ZRANB3: variants seen among roughly 807,000 people sequenced by gnomAD.
ZRANB3 encodes the protein zinc finger RANBP2-type containing 3.
ZRANB3 carries 125 observed loss-of-function variants against 133.8 expected under a neutral mutation model. The observed-to-expected ratio is 0.93, with a 90% CI of 0.81 to 1.08. The LOEUF (loss-of-function observed/expected upper bound fraction) is 1.08, where lower values mean the gene tolerates loss of function less well. Among genes scored for constraint, ZRANB3 ranks in the 50% least tolerant of loss-of-function variants. The probability of loss-of-function intolerance (pLI) is 0.00; values close to 1 mark genes in which losing one functional copy is unlikely to be tolerated. For missense variants in ZRANB3, 1,229 were observed against 1,275.5 expected, an observed-to-expected ratio of 0.96 and a Z score of 0.56; for synonymous variants, 387 against 432.7, an observed-to-expected ratio of 0.89 and a Z score of 1.31.
chr2:135,350,099 G>T lies in ZRANB3; in HGVS notation c.476C>A (p.Ser159Ter). ...QNFKVVIVDE[S>*]HYMKSRNATR... ...TGCATTTCTGGATTTCATGTAGTGTGATTCATCCACTATAACTACTTTGAA... is the reference window on the plus strand; with the variant it reads ...TGCATTTCTGGATTTCATGTAGTGTTATTCATCCACTATAACTACTTTGAA... The change falls in exon 5 of 21, where the codon TCA (serine) becomes TAA (stop). Residue 159 changes from serine to a stop codon, truncating the protein, a stop_gained. Coordinates refer to ENST00000264159, the MANE Select transcript of ZRANB3 (RefSeq NM_032143.4). LOFTEE classifies it high-confidence loss of function. The T allele has an allele frequency of 6.2e-7, 1 of 1,613,582 alleles. No homozygotes were observed. The highest frequency in any genetic ancestry group is 1.1e-5 in the South Asian group (1 of 91,072).
chr2:135,444,429 G>C (rs1055143308), intron 2 of ZRANB3, among the ~76,000 whole-genome samples: 1 of 151,832 alleles, frequency 6.6e-6, no homozygotes, highest in Non-Finnish European at 1.5e-5. Flanking sequence ...CAAAATACTC[G>C]GCAATAAGAA....
At chr2:135,285,212 C>T (rs1681297338) in intron 8 of ZRANB3, among the ~76,000 whole-genome samples, 1 of 152,190 alleles carries the variant, frequency 6.6e-6, no homozygotes, top group Admixed American at 6.5e-5. Context: ...CCATTCTTGC[C>T]ACCTCAAAAA....
intron 2 of ZRANB3, among the ~76,000 whole-genome samples, chr2:135,489,315 G>A (rs1288104176): frequency 1.8e-5 from 2 of 108,966 alleles, no homozygotes; most frequent in Non-Finnish European, 3.6e-5. Flanking sequence ...TTGTGGGGTG[G>A]GGGGAGGGGG....
intron 8 of ZRANB3, among the ~76,000 whole-genome samples, chr2:135,285,226 T>A (rs1167358606): frequency 6.6e-6 from 1 of 152,168 alleles, no homozygotes; most frequent in Admixed American, 6.5e-5. Flanking sequence ...TCAAAAACCT[T>A]ACAACACTCA....
chr2:135,427,116 T>C (rs1177240945), intron 2 of ZRANB3, among the ~76,000 whole-genome samples: 1 of 151,444 alleles, frequency 6.6e-6, no homozygotes, highest in Non-Finnish European at 1.5e-5. Flanking sequence ...TCATACTGAA[T>C]AGGCAAAAGC....
At chr2:135,343,031 A>C (rs1019784196) in intron 6 of ZRANB3, among the ~76,000 whole-genome samples, 2 of 146,364 alleles carry the variant, frequency 1.4e-5, no homozygotes, top group Admixed American at 6.7e-5. Flanking sequence ...AAAAAAAAAA[A>C]AAAACATTAG....
At chr2:135,239,417 C>A (rs116130851) in intron 12 of ZRANB3, among the ~76,000 whole-genome samples, 51 of 146,734 alleles carry the variant, frequency 3.5e-4, no homozygotes, top group South Asian at 8.7e-4. Context: ...TATAAAAAAT[C>A]AAAAAAAAAA....
intron 6 of ZRANB3, among the ~76,000 whole-genome samples, chr2:135,319,437 T>C (rs1291755701): frequency 6.6e-6 from 1 of 152,236 alleles, no homozygotes; most frequent in Non-Finnish European, 1.5e-5. Flanking sequence ...TGATCGAATT[T>C]TGTTGTTTAT....
chr2:135,492,530 T>C (rs1395304467), intron 2 of ZRANB3, among the ~76,000 whole-genome samples: 2 of 152,218 alleles, frequency 1.3e-5, no homozygotes, highest in Non-Finnish European at 2.9e-5. Flanking sequence ...AGTACTATGG[T>C]GTTTTAGATA....
At chr2:135,520,412 T>TC (rs1491565810) in intron 1 of ZRANB3, among the ~76,000 whole-genome samples, 2 of 140,284 alleles carry the variant, frequency 1.4e-5, no homozygotes, top group Non-Finnish European at 3.0e-5. Context: ...AAAAAGGATT[T>TC]CTTTTTTTTT....
chr2:135,436,760 CTA>C (rs1208343898), intron 2 of ZRANB3, among the ~76,000 whole-genome samples: 1 of 151,934 alleles, frequency 6.6e-6, no homozygotes, highest in African/African-American at 2.4e-5. Flanking sequence ...TTTAAAAAAA[CTA>C]TTTTAAAATT....
chr2:135,455,487 C>T (rs981467676), intron 2 of ZRANB3, among the ~76,000 whole-genome samples: 5 of 151,242 alleles, frequency 3.3e-5, no homozygotes, highest in Non-Finnish European at 5.9e-5. Flanking sequence ...CATGGCCGGC[C>T]GACTTCTTAC....
chr2:135,381,273 C>T (rs547318146), intron 3 of ZRANB3, among the ~76,000 whole-genome samples: 3 of 152,166 alleles, frequency 2.0e-5, no homozygotes, highest in East Asian at 1.9e-4. Context: ...AGTCTGAGAT[C>T]GAACTGTAAC....
intron 2 of ZRANB3, among the ~76,000 whole-genome samples, chr2:135,470,960 C>A (rs1431147189): frequency 6.6e-6 from 1 of 151,520 alleles, no homozygotes; most frequent in Non-Finnish European, 1.5e-5. Context: ...CGCCACCACG[C>A]CCAGCTAATT....
intron 6 of ZRANB3, among the ~76,000 whole-genome samples, chr2:135,327,710 A>G (rs987597792): frequency 6.6e-6 from 1 of 152,130 alleles, no homozygotes; most frequent in Non-Finnish European, 1.5e-5. Context: ...ATACAGCTTA[A>G]CCTTTCCAAA....
At chr2:135,240,326 G>A (rs1695498152) in intron 12 of ZRANB3, among the ~76,000 whole-genome samples, 1 of 152,074 alleles carries the variant, frequency 6.6e-6, no homozygotes, top group Non-Finnish European at 1.5e-5. Context: ...AAACAAAATG[G>A]TAACAAAGAA....
intron 1 of ZRANB3, among the ~76,000 whole-genome samples, chr2:135,521,534 AAAAT>A (rs148536168): frequency 6.6e-6 from 1 of 152,168 alleles, no homozygotes; most frequent in Non-Finnish European, 1.5e-5. Flanking sequence ...CTTCGTCTCA[AAAAT>A]AAATAAATAA....
chr2:135,305,888 T>C (rs1197997149), intron 8 of ZRANB3, among the ~76,000 whole-genome samples: 1 of 152,186 alleles, frequency 6.6e-6, no homozygotes, highest in African/African-American at 2.4e-5. Flanking sequence ...TTTCTTCCTT[T>C]CAGCAAATTG....
At chr2:135,296,217 A>C (rs987231202) in intron 8 of ZRANB3, among the ~76,000 whole-genome samples, 1 of 152,210 alleles carries the variant, frequency 6.6e-6, no homozygotes, top group Non-Finnish European at 1.5e-5. Flanking sequence ...AGGTATACCA[A>C]TCAGACGTAG....
Sources: allele counts gnomAD v4.1 joint callset (sites outside exome capture counted in the v4.1 genomes callset), GRCh38; gene constraint gnomAD v4.1.1; transcripts MANE v1.5; gene names NCBI Gene and HGNC (gene_info 2026-07-23, HGNC 2026-07-21).